Variants in SCUBE3 observed in about 807,000 individuals in gnomAD.
SCUBE3 encodes the protein signal peptide, CUB domain and EGF like domain containing 3.
In SCUBE3, 33 loss-of-function variants were observed where a neutral mutation model predicts 116.8. The ratio of observed to expected loss-of-function variants is 0.28; its 90% confidence interval spans 0.21 to 0.38. SCUBE3 has a LOEUF of 0.38. Ranked by LOEUF, SCUBE3 falls within the 10% of genes least tolerant of loss-of-function variation. SCUBE3 has a pLI of 1.00. For missense variants in SCUBE3, 1,007 were observed against 1,324.8 expected, an observed-to-expected ratio of 0.76 and a Z score of 3.72; for synonymous variants, 418 against 496.9, an observed-to-expected ratio of 0.84 and a Z score of 2.11.
rs1363410660 is a variant in SCUBE3 at position 35,244,485 on chromosome 6, G to A, written c.2240-165G>A. Among the ~76,000 whole-genome samples the A allele has an allele frequency of 1.3e-5, 2 of 152,142 alleles. No homozygotes were observed. Among genetic ancestry groups the A allele is most frequent in the Non-Finnish European group, 2.9e-5 (2 of 68,012 alleles). Reference sequence around the variant, plus strand: ...ACCACTCTGTAAACTCTGTTTTTCCGTGGGCTTAAATTCTGGCATGACTGG... The same window carrying A: ...ACCACTCTGTAAACTCTGTTTTTCCATGGGCTTAAATTCTGGCATGACTGG... On this transcript the variant is annotated intron_variant, in intron 17 of 21. Coordinates refer to ENST00000274938, the MANE Select transcript of SCUBE3 (RefSeq NM_152753.4). This position sits in a 1 kb window ranked among gnomAD's most constrained non-coding sequence, Gnocchi z 4.3.
chr6:35,237,428 A>C (rs1396998390), intron 6 of SCUBE3, among the ~76,000 whole-genome samples: 1 of 152,162 alleles, frequency 6.6e-6, no homozygotes, highest in African/African-American at 2.4e-5. Flanking sequence ...GGCCCGGCTC[A>C]TTCTTTCCAA....
Position 35,235,382 on chromosome 6 carries a change from G to A in SCUBE3, c.712+2081G>A, listed in dbSNP as rs189232223. ...GGGAGGAGAGGGTGGGGAGGGGTCC[G>A]GGGCCAGAGGGCCACAGTGGCTTCT... On this transcript the variant is annotated intron_variant, in intron 6 of 21. Transcript: ENST00000274938. This position sits in a 1 kb window ranked among gnomAD's most constrained non-coding sequence, Gnocchi z 4.5. 203 of 830,600 alleles carry A rather than the reference G, an allele frequency of 2.4e-4. 1 individual carries two copies. Among genetic ancestry groups the A allele is most frequent in the South Asian group, 1.2e-3 (85 of 71,482 alleles). The allele number at this position is 830,600 out of a possible 1,614,324, so 51.5% of individuals were successfully genotyped here.
At chr6:35,218,482 T>A (rs1783008880) in intron 1 of SCUBE3, among the ~76,000 whole-genome samples, 1 of 152,238 alleles carries the variant, frequency 6.6e-6, no homozygotes, top group African/African-American at 2.4e-5. Flanking sequence ...GGTCCCCAAA[T>A]GTCAGGGTGT....
chr6:35,229,743 A>C (rs148079127), intron 3 of SCUBE3, among the ~76,000 whole-genome samples: 2,113 of 152,286 alleles, frequency 0.014, 20 homozygotes, highest in Middle Eastern at 0.027. Context: ...TACTGGGACC[A>C]AGTCAGACTC....
chr6:35,229,977 A>G (rs745907695), intron 3 of SCUBE3, among the ~76,000 whole-genome samples: 4 of 152,188 alleles, frequency 2.6e-5, no homozygotes, highest in Admixed American at 6.5e-5. Flanking sequence ...CTTAAGTCCT[A>G]TTGGCTGAGA....
Position 35,239,696 on chromosome 6 carries a change from T to A in SCUBE3, c.830-56T>A. The A allele has an allele frequency of 1.3e-6, 2 of 1,567,734 alleles. No individual in the cohort carries two copies. Among genetic ancestry groups the A allele is most frequent in the Non-Finnish European group, 1.7e-6 (2 of 1,150,784 alleles). On this transcript the variant is annotated intron_variant, in intron 7 of 21. Transcript: ENST00000274938. The surrounding 1 kb of genome is among the most constrained non-coding windows in gnomAD (Gnocchi z 4.1). ...TCAGTGAGGGAGGGATCTTTCTCCT[T>A]GTTTGTTCTCAGCCTTTGATAGTAT...
rs1365781786 is a variant in SCUBE3, at chr6:35,219,534, G to C, written c.85+5031G>C. Among the ~76,000 whole-genome samples, 1 of 152,142 alleles carries C rather than the reference G, an allele frequency of 6.6e-6. No individual in the cohort carries two copies. The highest frequency in any genetic ancestry group is 1.5e-5 in the Non-Finnish European group (1 of 68,032). On this transcript the variant is annotated intron_variant, in intron 1 of 21. Transcript: ENST00000274938. This position sits in a 1 kb window ranked among gnomAD's most constrained non-coding sequence, Gnocchi z 4.7. ...ATAGCCCTAGAGAGCTGTGGGGTTT[G>C]GATTTCTGAGCCTACACCAGGGGCT... is the stretch of plus-strand genomic sequence containing the variant.
chr6:35,230,117 G>T (rs1688801271), intron 3 of SCUBE3, among the ~76,000 whole-genome samples: 1 of 152,112 alleles, frequency 6.6e-6, no homozygotes, highest in Admixed American at 6.5e-5. Flanking sequence ...CCCAGCCCTG[G>T]TCACCTCTCC....
rs1277530694 is a variant in SCUBE3 at position 35,214,728 on chromosome 6, G to A, written c.85+225G>A. On this transcript the variant is annotated intron_variant, in intron 1 of 21. Transcript: ENST00000274938. The surrounding 1 kb of genome is among the most constrained non-coding windows in gnomAD (Gnocchi z 6.3). ...GCAGAGAGGAGTGAGAAACTCTTGG[G>A]GGCGGTGGGCAGAAGAGACCACGCG... Among the ~76,000 whole-genome samples the A allele has an allele frequency of 6.6e-6, 1 of 152,202 alleles. No individual in the cohort carries two copies. Among genetic ancestry groups the A allele is most frequent in the Non-Finnish European group, 1.5e-5 (1 of 68,038 alleles).
intron 3 of SCUBE3, among the ~76,000 whole-genome samples, chr6:35,229,258 T>C (rs4711409): frequency 5.7e-4 from 86 of 152,068 alleles, no homozygotes; most frequent in South Asian, 2.1e-3. Flanking sequence ...AAAATAATAA[T>C]AATAAAAATT....
At chr6:35,238,104 G>A (rs734538) in intron 7 of SCUBE3, 86 bp downstream of exon 7, 628,896 of 702,972 alleles carry the variant, frequency 0.89, 282,062 homozygotes, top group East Asian at 1. Flanking sequence ...ATTAGGGGAT[G>A]ACACCTCCTC....
rs1456649526 is a variant in SCUBE3 at position 35,250,544 on chromosome 6, A to G, written c.*1839A>G. 6.6e-6 allele frequency: 1 copy of G among 152,230 alleles called. No individual in the cohort carries two copies. Among genetic ancestry groups the G allele is most frequent in the Non-Finnish European group, 1.5e-5 (1 of 68,054 alleles). The allele number at this position is 152,230 out of a possible 1,614,324, so 9.4% of individuals were successfully genotyped here. ...TACTGTTTTTCAGAAGGAAGAAAGA[A>G]TCAAATGGAAGAAGAATCAAGTCCA... On this transcript the variant is annotated 3_prime_UTR_variant, in exon 22 of 22. Coordinates refer to ENST00000274938, the MANE Select transcript of SCUBE3 (RefSeq NM_152753.4).
chr6:35,227,758 G>A, intron 2 of SCUBE3, 56 bp downstream of exon 2: 1 of 1,594,058 alleles, frequency 6.3e-7, no homozygotes, highest in Non-Finnish European at 8.6e-7. Flanking sequence ...GCAAACCAGT[G>A]CCACTGCCCT....
chr6:35,238,234 C>G (rs1783863933), intron 7 of SCUBE3, among the ~76,000 whole-genome samples: 1 of 152,156 alleles, frequency 6.6e-6, no homozygotes, highest in South Asian at 2.1e-4. Flanking sequence ...TTCCCCTACC[C>G]CACCTTGTTT....
intron 13 of SCUBE3, 53 bp from the exon 14 acceptor site, chr6:35,242,569 G>T: frequency 6.5e-7 from 1 of 1,538,014 alleles, no homozygotes; most frequent in Non-Finnish European, 8.9e-7. Flanking sequence ...TCTGGGCTGG[G>T]AGTGAGAACT....
chr6:35,228,745 C>T lies in SCUBE3; in HGVS notation c.334+6C>T. ...TGACGGACACAACTGTCTGGGTAAG[C>T]AAAGGAGAGGGGATTTGGTGGAGGG... On this transcript the variant is annotated splice_donor_region_variant and intron_variant, in intron 3 of 21. Transcript: ENST00000274938. The surrounding 1 kb of genome is among the most constrained non-coding windows in gnomAD (Gnocchi z 4.9). 1 of 1,613,796 alleles carries T rather than the reference C, an allele frequency of 6.2e-7. No individual in the cohort carries two copies. The highest frequency in any genetic ancestry group is 1.3e-5 in the African/African-American group (1 of 74,984).
chr6:35,218,146 C>A, intron 1 of SCUBE3: 1 of 985,124 alleles, frequency 1.0e-6, no homozygotes, highest in Non-Finnish European at 1.2e-6. Context: ...GCATGAGAAC[C>A]GGTTTGAGAT....
Position 35,214,607 on chromosome 6 carries a change from C to A in SCUBE3, c.85+104C>A. On this transcript the variant is annotated intron_variant, in intron 1 of 21. Coordinates refer to ENST00000274938, the MANE Select transcript of SCUBE3 (RefSeq NM_152753.4). This position sits in a 1 kb window ranked among gnomAD's most constrained non-coding sequence, Gnocchi z 6.3. ...AGGGCAGGTGCTGGGGAGCGTGCTG[C>A]TGTCAGAACCCGGCTCTGTGCACCC... 1.5e-6 allele frequency: 1 copy of A among 665,892 alleles called. No homozygotes were observed. The highest frequency in any genetic ancestry group is 2.2e-6 in the Non-Finnish European group (1 of 458,718). The allele number at this position is 665,892 out of a possible 1,614,324, so 41.2% of individuals were successfully genotyped here. A position where few individuals can be genotyped will look rare whatever the true frequency, so the allele number is the denominator to read the frequency against.
Position 35,241,544 on chromosome 6 carries a change from G to C in SCUBE3, c.1197G>C (p.Glu399Asp). The C allele has an allele frequency of 6.2e-7, 1 of 1,609,992 alleles. No homozygotes were observed. Among genetic ancestry groups the C allele is most frequent in the Non-Finnish European group, 8.5e-7 (1 of 1,176,224 alleles). The change falls in exon 11 of 22, where the codon GAG becomes GAC. Residue 399 changes from glutamate (E) to aspartate (D), a missense_variant and splice_region_variant. Glu to Asp is a conservative substitution (Grantham distance 45). This residue lies in a region of SCUBE3 where 544 missense variants were observed against 638.9 expected (regional missense o/e 0.85). Coordinates refer to ENST00000274938, the MANE Select transcript of SCUBE3 (RefSeq NM_152753.4). The surrounding 1 kb of genome is among the most constrained non-coding windows in gnomAD (Gnocchi z 4.1). ...RLHWNGKDCT[E>D]PLKCQGSPGA... ...CTCAGGCCTCTCTCCCCTTCCTAGAGCCACTGAAGTGTCAGGGCAGTCCTG... is the reference window on the plus strand; with the variant it reads ...CTCAGGCCTCTCTCCCCTTCCTAGACCCACTGAAGTGTCAGGGCAGTCCTG...
Sources: gnomAD v4.1 joint callset for allele counts (sites outside exome capture counted in the v4.1 genomes callset) on GRCh38, gnomAD v4.1.1 for gene constraint, gnomAD v4.1.1 regional missense constraint, Gnocchi (gnomAD v3.1) non-coding constraint, MANE v1.5 for transcripts, NCBI Gene and HGNC (gene_info 2026-07-23, HGNC 2026-07-21) for gene names.